Variants in CEP128 observed in about 807,000 individuals in gnomAD.
CEP128 encodes the protein centrosomal protein 128kDa.
A neutral mutation model predicts 156.7 loss-of-function variants in CEP128; 132 were observed. The ratio of observed to expected loss-of-function variants is 0.84; its 90% CI spans 0.73 to 0.97. The LOEUF (loss-of-function observed/expected upper bound fraction) is 0.97, where lower values mean the gene tolerates loss of function less well. Among genes scored for constraint, CEP128 ranks in the 50% least tolerant of loss-of-function variants. CEP128 has a pLI of 0.00. For synonymous variants in CEP128, 469 were observed against 448.9 expected, an observed-to-expected ratio of 1.04 and a Z score of -0.57; for missense variants, 1,252 against 1,281.9, an observed-to-expected ratio of 0.98 and a Z score of 0.36.
At chr14:80,507,714 A>C (rs1888044924) in intron 23 of CEP128, among the ~76,000 whole-genome samples, 1 of 152,214 alleles carries the variant, frequency 6.6e-6, no homozygotes, top group South Asian at 2.1e-4. Flanking sequence ...GAGTAGAGAC[A>C]CAGGTTTGAG....
intron 19 of CEP128, among the ~76,000 whole-genome samples, chr14:80,714,678 C>T (rs2139428484): frequency 6.6e-6 from 1 of 150,682 alleles, no homozygotes; most frequent in East Asian, 1.9e-4. Flanking sequence ...CATTTCAAAG[C>T]CCCCATGAAA....
In CEP128 at chr14:80,919,651, C is replaced by T. The variant is rs78655818; in HGVS notation, c.-15-3089G>A. ...TGATAAATATTAATAAGTAAAGATACGGGGGCATCTGAATTTAACTCTAAA... is the reference window on the plus strand; with the variant it reads ...TGATAAATATTAATAAGTAAAGATATGGGGGCATCTGAATTTAACTCTAAA... On this transcript the variant is annotated intron_variant, in intron 2 of 24. Transcript: ENST00000555265. Among the ~76,000 whole-genome samples the T allele has an allele frequency of 4.5e-3, 689 of 151,958 alleles. 4 individuals are homozygous for T. The highest frequency in any genetic ancestry group is 6.8e-3 in the Non-Finnish European group (461 of 67,948).
chr14:80,676,452 T>TAAA (rs956795162), intron 19 of CEP128, among the ~76,000 whole-genome samples: 5 of 147,048 alleles, frequency 3.4e-5, no homozygotes, highest in African/African-American at 1.3e-4. Context: ...TGATTTTTTT[T>TAAA]AAAAAAAAAA....
At chr14:80,752,044 C>T (rs923916270) in intron 18 of CEP128, among the ~76,000 whole-genome samples, 2 of 151,954 alleles carry the variant, frequency 1.3e-5, no homozygotes, top group African/African-American at 2.4e-5. Context: ...TGTGAGAATC[C>T]TCTACTGAGT....
At chr14:80,540,854 A>C (rs555508837) in intron 21 of CEP128, among the ~76,000 whole-genome samples, 1 of 152,238 alleles carries the variant, frequency 6.6e-6, no homozygotes, top group South Asian at 2.1e-4. Flanking sequence ...TACAGGGAGA[A>C]TAGGCGGAAT....
chr14:80,936,706 A>G (rs912122064), intron 2 of CEP128, among the ~76,000 whole-genome samples: 5 of 152,214 alleles, frequency 3.3e-5, no homozygotes, highest in African/African-American at 1.2e-4. Flanking sequence ...AAGAAAAAGA[A>G]CAGTCCAGTT....
rs777201166 is a variant in CEP128, at chr14:80,504,919, G to A, written c.3174C>T (p.Tyr1058=). The A allele has an allele frequency of 1.9e-5, 28 of 1,439,942 alleles. No individual in the cohort carries two copies. The Middle Eastern group carries it at 5.5e-4, about 28-fold the overall frequency. The allele number at this position is 1,439,942 out of a possible 1,614,324, so 89.2% of individuals were successfully genotyped here. A position where few individuals can be genotyped will look rare whatever the true frequency, so the allele number is the denominator to read the frequency against. The change falls in exon 24 of 25, where the codon TAC becomes TAT. Residue 1058 remains tyrosine (Y), a synonymous_variant. Transcript: ENST00000555265. ...CAAGACTTCATTACTTACAGTTCAC[G>A]TATGAAAATCTTGGACTAGACAGGA... The part of the protein sequence containing the change: ...SRFLSSPRFS[Y]VNSFTKRTVA...
intron 12 of CEP128, among the ~76,000 whole-genome samples, chr14:80,835,295 G>A (rs1456447071): frequency 1.3e-5 from 2 of 152,120 alleles, no homozygotes; most frequent in Non-Finnish European, 2.9e-5. Flanking sequence ...CCAGCCTCAG[G>A]TATTCCTTTA....
At chr14:80,572,082 A>G (rs1891163409) in intron 20 of CEP128, among the ~76,000 whole-genome samples, 1 of 152,222 alleles carries the variant, frequency 6.6e-6, no homozygotes, top group Non-Finnish European at 1.5e-5. Flanking sequence ...CATACAGACC[A>G]TCACCCTTTG....
intron 6 of CEP128, among the ~76,000 whole-genome samples, chr14:80,491,446 G>A (rs1395841737): frequency 6.6e-6 from 1 of 152,076 alleles, no homozygotes; most frequent in African/African-American, 2.4e-5. Context: ...AAAGTCCCTA[G>A]GTTTCTCCAA....
chr14:80,739,643 TTTTTGATA>T (rs1474950362), intron 19 of CEP128, among the ~76,000 whole-genome samples: 2 of 152,180 alleles, frequency 1.3e-5, no homozygotes, highest in Admixed American at 1.3e-4. Flanking sequence ...ATATTCTTTT[TTTTTGATA>T]TTTTGGTATT....
intron 19 of CEP128, among the ~76,000 whole-genome samples, chr14:80,629,616 G>A (rs1056750318): frequency 3.1e-5 from 4 of 127,582 alleles, no homozygotes; most frequent in African/African-American, 1.5e-4. Flanking sequence ...ATTTCACAAA[G>A]TAAAGCCTTT....
At chr14:80,896,627 T>G (rs372984741) in intron 7 of CEP128, among the ~76,000 whole-genome samples, 37 of 152,350 alleles carry the variant, frequency 2.4e-4, no homozygotes, top group African/African-American at 7.5e-4. Context: ...GAATTGATGC[T>G]TTGTGCTCAC....
At chr14:80,614,471 G>A (rs1169244763) in intron 19 of CEP128, among the ~76,000 whole-genome samples, 1 of 151,690 alleles carries the variant, frequency 6.6e-6, no homozygotes. Context: ...CCCTTCTATG[G>A]CTACATCTCA....
chr14:80,660,456 T>G (rs1245340024), intron 19 of CEP128, among the ~76,000 whole-genome samples: 2 of 152,178 alleles, frequency 1.3e-5, no homozygotes, highest in African/African-American at 4.8e-5. Flanking sequence ...AAATATAAAG[T>G]TAGATCTCTT....
chr14:80,810,375 T>C (rs1413934303), intron 13 of CEP128, among the ~76,000 whole-genome samples: 3 of 109,950 alleles, frequency 2.7e-5, no homozygotes, highest in African/African-American at 1.0e-4. Flanking sequence ...CAGAAAACAA[T>C]GAACAATTCG....
At chr14:80,757,067 A>G in intron 17 of CEP128, 116 bp from the exon 18 acceptor site, 1 of 673,088 alleles carries the variant, frequency 1.5e-6, no homozygotes, top group South Asian at 2.2e-5. Flanking sequence ...AGGATTTAAA[A>G]AGAAAAATTG....
chr14:80,529,014 G>T (rs1889105936), intron 22 of CEP128, among the ~76,000 whole-genome samples: 1 of 152,168 alleles, frequency 6.6e-6, no homozygotes, highest in African/African-American at 2.4e-5. Flanking sequence ...ATGTAGAACG[G>T]ATTTTAAGCT....
At chr14:80,628,170 T>C (rs1342797235) in intron 19 of CEP128, among the ~76,000 whole-genome samples, 3 of 152,220 alleles carry the variant, frequency 2.0e-5, no homozygotes, top group Non-Finnish European at 1.5e-5. Flanking sequence ...AGTAAGTAGA[T>C]GATTTCAGAC....
Sources: gnomAD v4.1 joint callset for allele counts (sites outside exome capture counted in the v4.1 genomes callset) on GRCh38, gnomAD v4.1.1 for gene constraint, MANE v1.5 for transcripts, NCBI Gene and HGNC (gene_info 2026-07-23, HGNC 2026-07-21) for gene names.